The following PNPT1 variants were observed in gnomAD, a reference collection of about 807,000 sequenced individuals.
PNPT1 encodes the protein polyribonucleotide nucleotidyltransferase 1, also known as polyribonucleotide nucleotidyltransferase 1, mitochondrial.
PNPT1 carries 53 observed loss-of-function variants against 119.5 expected under a neutral mutation model. The observed-to-expected ratio is 0.44, with a 90% CI of 0.36 to 0.56. The LOEUF is 0.56. Ranked by LOEUF, PNPT1 falls within the 20% of genes least tolerant of loss-of-function variation. PNPT1 has a pLI of 0.00. For synonymous variants in PNPT1, 357 were observed against 322.1 expected (o/e 1.11, Z -1.16); for missense variants, 948 against 938.5 (o/e 1.01, Z -0.13).
rs1697186912 is a variant in PNPT1, at chr2:55,679,699, G to A, written c.662C>T (p.Ala221Val). 1.2e-6 allele frequency: 2 copies of A among 1,607,050 alleles called. No individual in the cohort carries two copies. The highest frequency in any genetic ancestry group is 1.7e-6 in the Non-Finnish European group (2 of 1,175,246). ...SSTLNLVVAGAPKSQIVMLEA... is the reference protein window; with the variant it reads ...SSTLNLVVAGVPKSQIVMLEA... ...CAACTTACCAATCTGACTTTTAGGT[G>A]CTCCAGCAACCACTAAATTTAAAGT... Residue 221 changes from alanine (A) to valine (V), a missense_variant, in exon 8 of 28, where the codon GCA (alanine) becomes GTA (valine). Ala to Val is a moderately conservative substitution (Grantham distance 64). Transcript: ENST00000447944.
chr2:55,678,929 CAAAATG>C (rs1697165127), intron 8 of PNPT1, among the ~76,000 whole-genome samples: 1 of 152,160 alleles, frequency 6.6e-6, no homozygotes, highest in Non-Finnish European at 1.5e-5. Flanking sequence ...TTTGTTTCAT[CAAAATG>C]TTCCCACATC....
At chr2:55,675,241 C>G (rs934057223) in intron 8 of PNPT1, among the ~76,000 whole-genome samples, 4 of 151,392 alleles carry the variant, frequency 2.6e-5, no homozygotes, top group Admixed American at 6.6e-5. Context: ...CCACTATACT[C>G]ATACTCTAGT....
At chr2:55,689,995 A>C (rs1037181341) in intron 1 of PNPT1, among the ~76,000 whole-genome samples, 3 of 151,806 alleles carry the variant, frequency 2.0e-5, no homozygotes, top group Non-Finnish European at 2.9e-5. Context: ...CTAATTTTTA[A>C]ATTTTTTGTA....
At chr2:55,643,456 T>G (rs765281092) in intron 23 of PNPT1, 31 bp from the exon 24 acceptor site, 1 of 1,593,344 alleles carries the variant, frequency 6.3e-7, no homozygotes, top group Non-Finnish European at 8.6e-7. Context: ...CATATTAAAG[T>G]TAACTTGGCT....
chr2:55,656,978 T>C (rs1316229755), intron 15 of PNPT1, among the ~76,000 whole-genome samples: 2 of 152,192 alleles, frequency 1.3e-5, no homozygotes, highest in Non-Finnish European at 2.9e-5. Flanking sequence ...ATATGTTACC[T>C]TGAAGGAATA....
chr2:55,648,053 TTTTC>T (rs1302620236), intron 18 of PNPT1, among the ~76,000 whole-genome samples: 1 of 152,216 alleles, frequency 6.6e-6, no homozygotes, highest in Non-Finnish European at 1.5e-5. Flanking sequence ...AGGTGTCTTA[TTTTC>T]TTTTTGTTGG....
chr2:55,680,981 AAT>A, intron 5 of PNPT1, 63 bp from the exon 6 acceptor site: 1 of 1,340,934 alleles, frequency 7.5e-7, no homozygotes, highest in Non-Finnish European at 1.1e-6. Flanking sequence ...CCTGACCTAA[AAT>A]ACAAGAGCAC....
rs563811565 is a variant in PNPT1, at chr2:55,691,702, T to C, written c.161+1961A>G. On this transcript the variant is annotated intron_variant, in intron 1 of 27. Coordinates refer to ENST00000447944, the MANE Select transcript of PNPT1 (RefSeq NM_033109.5). ...ATTTCTTTGAAGCATGTGTAGTCCT[T>C]GAAGAATGGAAGAGATGTCCACTTC... Among the ~76,000 whole-genome samples, 23 of 152,030 alleles carry C rather than the reference T, an allele frequency of 1.5e-4. No individual in the cohort carries two copies. In the South Asian group the frequency reaches 4.6e-3, roughly 30 times the overall value.
At chr2:55,661,905 A>G (rs1696587887) in intron 14 of PNPT1, 51 bp downstream of exon 14, 1 of 1,433,500 alleles carries the variant, frequency 7.0e-7, no homozygotes, top group African/African-American at 1.5e-5. Flanking sequence ...AGCTTTAATT[A>G]TATAATAGAA....
chr2:55,669,726 T>C, intron 11 of PNPT1, among the ~76,000 whole-genome samples: 1 of 151,884 alleles, frequency 6.6e-6, no homozygotes, highest in Non-Finnish European at 1.5e-5. Context: ...TCAATGACAG[T>C]TACAATTAAT....
chr2:55,645,515 A>G (rs1397961740), intron 21 of PNPT1, 83 bp from the exon 22 acceptor site: 3 of 854,500 alleles, frequency 3.5e-6, no homozygotes, highest in Non-Finnish European at 3.7e-6. Flanking sequence ...CACGGTATAC[A>G]ATCTAAACCC....
At chr2:55,654,233 G>T (rs960974967) in intron 18 of PNPT1, among the ~76,000 whole-genome samples, 1 of 137,768 alleles carries the variant, frequency 7.3e-6, no homozygotes, top group African/African-American at 2.7e-5. Context: ...CTTCAGCCTG[G>T]ACAACAGAGC....
chr2:55,669,553 CA>C (rs1696840130), intron 11 of PNPT1, among the ~76,000 whole-genome samples: 1 of 152,104 alleles, frequency 6.6e-6, no homozygotes, highest in Non-Finnish European at 1.5e-5. Flanking sequence ...CAATCAGTAC[CA>C]AAATGTTTAA....
intron 11 of PNPT1, among the ~76,000 whole-genome samples, chr2:55,668,329 T>C (rs1696802941): frequency 6.6e-6 from 1 of 152,164 alleles, no homozygotes; most frequent in African/African-American, 2.4e-5. Flanking sequence ...CTCTGTCTCC[T>C]GGGTTCAAGC....
chr2:55,655,000 T>C (rs1440617536), intron 17 of PNPT1, 47 bp from the exon 18 acceptor site: 9 of 1,463,198 alleles, frequency 6.2e-6, no homozygotes, highest in African/African-American at 1.4e-5. Flanking sequence ...ATTTTTTTAA[T>C]GTAGAAAAGT....
At chr2:55,686,714 A>G (rs973300798) in intron 2 of PNPT1, among the ~76,000 whole-genome samples, 4 of 152,254 alleles carry the variant, frequency 2.6e-5, no homozygotes, top group African/African-American at 7.2e-5. Flanking sequence ...GTGGCTATAC[A>G]TAAGGAAAAA....
At chr2:55,647,534 T>C (rs1194159669) in intron 18 of PNPT1, 81 bp from the exon 19 acceptor site, 1 of 1,097,050 alleles carries the variant, frequency 9.1e-7, no homozygotes, top group Non-Finnish European at 1.3e-6. Flanking sequence ...TTTTTTTTTT[T>C]TTTGAGAGGG....
chr2:55,692,644 T>C (rs1335312635), intron 1 of PNPT1, among the ~76,000 whole-genome samples: 1 of 152,234 alleles, frequency 6.6e-6, no homozygotes, highest in African/African-American at 2.4e-5. Context: ...TAACCTTTTT[T>C]GAGCCTCTGT....
intron 25 of PNPT1, among the ~76,000 whole-genome samples, chr2:55,642,786 G>A (rs118069613): frequency 7.9e-5 from 12 of 152,096 alleles, no homozygotes; most frequent in East Asian, 7.7e-4. Context: ...CAAAGTAAAT[G>A]TAAAATTAAA....
Sources: allele counts gnomAD v4.1 joint callset (sites outside exome capture counted in the v4.1 genomes callset), GRCh38; gene constraint gnomAD v4.1.1; transcripts MANE v1.5; gene names NCBI Gene and HGNC (gene_info 2026-07-23, HGNC 2026-07-21).